Variants in MIA2 observed in about 807,000 individuals in gnomAD.
MIA2 encodes the protein MIA SH3 domain ER export factor 2.
Under a neutral mutation model 167.8 loss-of-function variants are expected in MIA2, and 127 were observed. That is an observed-to-expected ratio of 0.76 (90% CI 0.66 to 0.88). The LOEUF is 0.88. MIA2 is among the 40% of genes least tolerant of loss of function. The pLI is 0.00. For synonymous variants in MIA2, 552 were observed against 541.9 expected, an observed-to-expected ratio of 1.02 and a Z score of -0.26; for missense variants, 1,690 against 1,624.7, an observed-to-expected ratio of 1.04 and a Z score of -0.69.
At chr14:39,366,706 G>A (rs1051817650) in intron 23 of MIA2, among the ~76,000 whole-genome samples, 4 of 152,206 alleles carry the variant, frequency 2.6e-5, no homozygotes, top group African/African-American at 7.2e-5. Context: ...ACAGATCGGG[G>A]TGACCCTTAG....
intron 25 of MIA2, among the ~76,000 whole-genome samples, chr14:39,336,832 A>T (rs2070531617): frequency 6.6e-6 from 1 of 152,166 alleles, no homozygotes; most frequent in Non-Finnish European, 1.5e-5. Flanking sequence ...TGTAGCCTTG[A>T]ACTCCTGATC....
At chr14:39,295,766 G>T (rs148423739) in intron 13 of MIA2, among the ~76,000 whole-genome samples, 85 of 152,160 alleles carry the variant, frequency 5.6e-4, no homozygotes, top group African/African-American at 2.0e-3. Flanking sequence ...CACCATATTG[G>T]CCAGGATGGT....
chr14:39,323,958 A>G (rs975420404), intron 24 of MIA2, among the ~76,000 whole-genome samples: 2 of 152,232 alleles, frequency 1.3e-5, no homozygotes, highest in Non-Finnish European at 2.9e-5. Flanking sequence ...GTTGATCCGA[A>G]CTAAAAGTTT....
At chr14:39,354,558 A>G (rs1249887181), downstream of MIA2, among the ~76,000 whole-genome samples, 3 of 152,084 alleles carry the variant, frequency 2.0e-5, no homozygotes, top group East Asian at 5.8e-4. Context: ...GAAGCTCTTT[A>G]GTTTAATTAG....
chr14:39,267,516 A>C (rs747215161), intron 6 of MIA2: 3 of 1,613,404 alleles, frequency 1.9e-6, no homozygotes, highest in Admixed American at 3.3e-5. Context: ...TGGAGGAGCT[A>C]CGCAGGGTGA....
intron 23 of MIA2, among the ~76,000 whole-genome samples, chr14:39,364,384 C>T (rs2139294517): frequency 6.6e-6 from 1 of 151,434 alleles, no homozygotes; most frequent in South Asian, 2.1e-4. Flanking sequence ...AAATTGTTTT[C>T]TGGTTATTTT....
chr14:39,306,593 C>T (rs1451807989), intron 17 of MIA2, among the ~76,000 whole-genome samples: 1 of 152,140 alleles, frequency 6.6e-6, no homozygotes, highest in African/African-American at 2.4e-5. Flanking sequence ...TACAATTCAA[C>T]ATGAAAGTTG....
chr14:39,328,098 G>A (rs138717123), intron 25 of MIA2, among the ~76,000 whole-genome samples: 20 of 152,124 alleles, frequency 1.3e-4, no homozygotes, highest in East Asian at 1.9e-4. Context: ...AGTGTAAAGC[G>A]TTCCTATTTC....
chr14:39,332,632 C>T (rs1242947302), intron 25 of MIA2, among the ~76,000 whole-genome samples: 1 of 152,002 alleles, frequency 6.6e-6, no homozygotes, highest in Non-Finnish European at 1.5e-5. Context: ...TTGCTTGGTC[C>T]TTCACGGCAC....
At chr14:39,359,984 T>G (rs978041807) in intron 23 of MIA2, among the ~76,000 whole-genome samples, 1 of 134,340 alleles carries the variant, frequency 7.4e-6, no homozygotes, top group Non-Finnish European at 1.5e-5. Flanking sequence ...CCGGATCCTC[T>G]GCAGCATGTT....
At chr14:39,296,471 T>A (rs1046379687) in intron 13 of MIA2, among the ~76,000 whole-genome samples, 4 of 151,894 alleles carry the variant, frequency 2.6e-5, no homozygotes, top group African/African-American at 9.7e-5. Flanking sequence ...CTTTTTATTG[T>A]TTCCCCTTCT....
At chr14:39,378,515 C>A (rs1053337229) in intron 23 of MIA2, among the ~76,000 whole-genome samples, 17 of 151,632 alleles carry the variant, frequency 1.1e-4, no homozygotes, top group African/African-American at 4.1e-4. Flanking sequence ...CAAAGTAAAA[C>A]AACAATTGTG....
At chr14:39,298,799 C>T (rs942777406) in intron 13 of MIA2, among the ~76,000 whole-genome samples, 19 of 150,408 alleles carry the variant, frequency 1.3e-4, no homozygotes, top group African/African-American at 4.6e-4. Context: ...GAATTCCTTT[C>T]TTGGTGGGGT....
chr14:39,244,401 T>G (rs1027344296), intron 3 of MIA2, among the ~76,000 whole-genome samples: 16 of 152,180 alleles, frequency 1.1e-4, no homozygotes, highest in Non-Finnish European at 2.4e-4. Context: ...ATCTTACAGA[T>G]GAAGGAGATT....
rs1595501563 is a variant in MIA2 at position 39,314,777 on chromosome 14, C to T, written c.3158C>T (p.Thr1053Ile). ...GATCTTGAAGAAGAATTGGAGAGAA[C>T]TATTCATTCTTATCAAGGGCAGGTA... The part of the protein sequence containing the change: ...AKDLEEELER[T>I]IHSYQGQIIS... The change falls in exon 20 of 29, where the codon ACT becomes ATT. Residue 1053 changes from threonine (T) to isoleucine (I), a missense_variant. Transcript: ENST00000640607. 1 of 1,595,460 alleles carries T rather than the reference C, an allele frequency of 6.3e-7. No individual in the cohort carries two copies. Among genetic ancestry groups the T allele is most frequent in the African/African-American group, 1.4e-5 (1 of 72,550 alleles).
intron 19 of MIA2, among the ~76,000 whole-genome samples, chr14:39,314,169 T>C (rs2064888263): frequency 6.6e-6 from 1 of 152,136 alleles, no homozygotes; most frequent in African/African-American, 2.4e-5. Flanking sequence ...GTGGATCATC[T>C]GAGGTCAGGA....
At chr14:39,333,571 A>G (rs2069473433) in intron 25 of MIA2, among the ~76,000 whole-genome samples, 1 of 152,054 alleles carries the variant, frequency 6.6e-6, no homozygotes, top group African/African-American at 2.4e-5. Flanking sequence ...AGTTTTATCG[A>G]GTTTTGACTG....
At chr14:39,332,534 A>G (rs2069150082) in intron 25 of MIA2, among the ~76,000 whole-genome samples, 1 of 152,072 alleles carries the variant, frequency 6.6e-6, no homozygotes, top group Middle Eastern at 3.2e-3. Flanking sequence ...GGTTTTTGGA[A>G]TTTTTAGCCT....
chr14:39,264,874 T>C (rs188588955), intron 6 of MIA2, among the ~76,000 whole-genome samples: 4 of 152,320 alleles, frequency 2.6e-5, no homozygotes, highest in Non-Finnish European at 5.9e-5. Flanking sequence ...TCTTGGATGT[T>C]TTCTAGTATC....
Sources: allele counts gnomAD v4.1 joint callset (sites outside exome capture counted in the v4.1 genomes callset), GRCh38; gene constraint gnomAD v4.1.1; transcripts MANE v1.5; gene names NCBI Gene and HGNC (gene_info 2026-07-23, HGNC 2026-07-21).